The following WASF2 variants were observed in gnomAD, a reference collection of about 807,000 sequenced individuals.
WASF2 encodes the protein actin-binding protein WASF2.
WASF2 carries 14 observed loss-of-function variants against 45.0 expected under a neutral mutation model. The ratio of observed to expected loss-of-function variants is 0.31; its 90% CI spans 0.21 to 0.49. The LOEUF is 0.49. Ranked by LOEUF, WASF2 falls within the 20% of genes least tolerant of loss-of-function variation. WASF2 has a pLI of 0.99. For synonymous variants in WASF2, 200 were observed against 236.3 expected (o/e 0.85, Z 1.41); for missense variants, 439 against 636.1 (o/e 0.69, Z 3.33).
At chr1:27,484,976 C>T (rs1427688269) in intron 1 of WASF2, among the ~76,000 whole-genome samples, 1 of 151,150 alleles carries the variant, frequency 6.6e-6, no homozygotes, top group African/African-American at 2.4e-5. Context: ...TTGGAGAAAC[C>T]CCGTCTCTAC....
intron 1 of WASF2, among the ~76,000 whole-genome samples, chr1:27,480,836 G>A (rs1057130444): frequency 6.6e-6 from 1 of 152,110 alleles, no homozygotes; most frequent in Non-Finnish European, 1.5e-5. Flanking sequence ...GTGAAACCCC[G>A]TCTCTACTAA....
At chr1:27,456,071 C>T (rs575680720) in intron 1 of WASF2, among the ~76,000 whole-genome samples, 1 of 152,052 alleles carries the variant, frequency 6.6e-6, no homozygotes, top group East Asian at 1.9e-4. Flanking sequence ...ACCTGTAATC[C>T]CAGCACTTTG....
Position 27,409,835 on chromosome 1 carries a change from G to C in WASF2, c.1196C>G (p.Pro399Arg), listed in dbSNP as rs1557594585. Residue 399 changes from proline to arginine, a missense_variant, in exon 8 of 9, where the codon CCT (proline) becomes CGT (arginine). By Grantham distance (103) the Pro-to-Arg change is moderately radical. Around this residue, in one of 5 missense-constraint regions of WASF2, gnomAD observed 286 missense variants for 373.5 expected, o/e 0.77. Coordinates refer to ENST00000618852, the MANE Select transcript of WASF2 (RefSeq NM_006990.5). ...GAPPPPPPPP[P>R]PGPPPPPFTG... ...GAAAGGGGGAGGAGGGGGCCCCGGA[G>C]GAGGAGGAGGAGGGGGAGGAGGAGG... The C allele has an allele frequency of 1.9e-6, 3 of 1,548,694 alleles. No homozygotes were observed. The highest frequency in any genetic ancestry group is 2.6e-6 in the Non-Finnish European group (3 of 1,144,916).
At chr1:27,449,131 C>T (rs2017348417) in intron 1 of WASF2, among the ~76,000 whole-genome samples, 1 of 152,170 alleles carries the variant, frequency 6.6e-6, no homozygotes, top group Non-Finnish European at 1.5e-5. Context: ...CATGCCATAA[C>T]GGTTCTCTAA....
At chr1:27,477,108 G>A (rs1435085712) in intron 1 of WASF2, among the ~76,000 whole-genome samples, 2 of 152,166 alleles carry the variant, frequency 1.3e-5, no homozygotes, top group African/African-American at 4.8e-5. Flanking sequence ...ACAAACCAAA[G>A]TGTACCTGTA....
At chr1:27,412,000 C>T (rs995609817) in intron 7 of WASF2, among the ~76,000 whole-genome samples, 1 of 152,210 alleles carries the variant, frequency 6.6e-6, no homozygotes, top group African/African-American at 2.4e-5. Flanking sequence ...CCAATCAGGG[C>T]TCTGCCCTTA....
intron 8 of WASF2, 124 bp from the exon 9 acceptor site, chr1:27,408,470 G>C: frequency 7.6e-7 from 1 of 1,309,034 alleles, no homozygotes; most frequent in Non-Finnish European, 1.0e-6. Context: ...AGAAAAAGAA[G>C]GTTGTTATGG....
chr1:27,473,511 A>G (rs2017722906), intron 1 of WASF2, among the ~76,000 whole-genome samples: 1 of 152,004 alleles, frequency 6.6e-6, no homozygotes, highest in South Asian at 2.1e-4. Flanking sequence ...ATCATGGAAA[A>G]AATTGTAACA....
intron 1 of WASF2, among the ~76,000 whole-genome samples, chr1:27,489,348 TACACACACACACACACAC>T (rs10636716): frequency 9.9e-5 from 1 of 10,102 alleles, no homozygotes; most frequent in Non-Finnish European, 2.0e-4. Context: ...TACTTCATGG[TACACACACACACACACAC>T]ACACACACAC....
At chr1:27,452,526 GAATA>G (rs2017397685) in intron 1 of WASF2, among the ~76,000 whole-genome samples, 1 of 149,628 alleles carries the variant, frequency 6.7e-6, no homozygotes. Flanking sequence ...ATAAATAAAT[GAATA>G]AATAGGCCAG....
At chr1:27,435,356 C>G (rs1026478339) in intron 1 of WASF2, among the ~76,000 whole-genome samples, 1 of 152,138 alleles carries the variant, frequency 6.6e-6, no homozygotes, top group East Asian at 1.9e-4. Flanking sequence ...GAGCTGAGAC[C>G]GGAAGATTGC....
At chr1:27,434,700 CCA>C (rs1279425930) in intron 1 of WASF2, among the ~76,000 whole-genome samples, 1 of 152,178 alleles carries the variant, frequency 6.6e-6, no homozygotes, top group Non-Finnish European at 1.5e-5. Flanking sequence ...TGGACCAGCT[CCA>C]GACATCCAGG....
Position 27,483,853 on chromosome 1 carries a change from T to C in WASF2, c.-44+6133A>G, listed in dbSNP as rs557056819. On this transcript the variant is annotated intron_variant, in intron 1 of 8. Coordinates refer to ENST00000618852, the MANE Select transcript of WASF2 (RefSeq NM_006990.5). Reference sequence around the variant, plus strand: ...ATGTAGTCCCAGCTATTTGGGAGGCTAAGGCAAGAGGAGGACTGCTTGAGC... The same window carrying C: ...ATGTAGTCCCAGCTATTTGGGAGGCCAAGGCAAGAGGAGGACTGCTTGAGC... Among the ~76,000 whole-genome samples the C allele has an allele frequency of 2.6e-5, 4 of 151,784 alleles. No individual in the cohort carries two copies. The East Asian group carries it at 7.8e-4, about 30-fold the overall frequency.
At chr1:27,419,598 G>A (rs927382386) in intron 2 of WASF2, among the ~76,000 whole-genome samples, 2 of 152,190 alleles carry the variant, frequency 1.3e-5, no homozygotes, top group Non-Finnish European at 2.9e-5. Flanking sequence ...CTGGGTGACG[G>A]AGCGAGACTC....
Position 27,423,942 on chromosome 1 carries a change from C to T in WASF2, c.130+4819G>A, listed in dbSNP as rs991391127. 3.3e-5 allele frequency among the ~76,000 whole-genome samples: 5 copies of T among 152,134 alleles called. 1 individual carries two copies. Among genetic ancestry groups the T allele is most frequent in the Admixed American group, 6.5e-5 (1 of 15,276 alleles). The stretch of plus-strand genomic sequence containing the variant: ...AATATCTAGCTTGATTTTTTAATGA[C>T]CCAAGTGGGGGTTCCATTCTCCCGA... On this transcript the variant is annotated intron_variant, in intron 2 of 8. Coordinates refer to ENST00000618852, the MANE Select transcript of WASF2 (RefSeq NM_006990.5).
chr1:27,486,664 CTGT>C (rs1286177035), intron 1 of WASF2, among the ~76,000 whole-genome samples: 15 of 152,142 alleles, frequency 9.9e-5, no homozygotes, highest in Non-Finnish European at 1.5e-5. Flanking sequence ...TGGCTCACGC[CTGT>C]AATCCCAGCA....
intron 1 of WASF2, among the ~76,000 whole-genome samples, chr1:27,471,027 T>C (rs1437556363): frequency 1.3e-5 from 2 of 152,096 alleles, no homozygotes; most frequent in Non-Finnish European, 2.9e-5. Flanking sequence ...AGTTACTGCA[T>C]GAAGGTTGTA....
At chr1:27,454,616 G>A (rs955245518) in intron 1 of WASF2, among the ~76,000 whole-genome samples, 1 of 152,126 alleles carries the variant, frequency 6.6e-6, no homozygotes, top group African/African-American at 2.4e-5. Context: ...GGGATTACAG[G>A]CATGAACTAC....
At chr1:27,464,068 T>A (rs1436536131) in intron 1 of WASF2, among the ~76,000 whole-genome samples, 2 of 151,924 alleles carry the variant, frequency 1.3e-5, no homozygotes, top group Non-Finnish European at 2.9e-5. Context: ...ATTTTGGTCA[T>A]ACAAAGCTTC....
Sources: allele counts gnomAD v4.1 joint callset (sites outside exome capture counted in the v4.1 genomes callset), GRCh38; gene constraint gnomAD v4.1.1; regional missense constraint gnomAD v4.1.1; transcripts MANE v1.5; gene names NCBI Gene and HGNC (gene_info 2026-07-23, HGNC 2026-07-21).